The following CNGB3 variants were observed in gnomAD, a reference collection of about 807,000 sequenced individuals.
The protein encoded by CNGB3 is cyclic nucleotide-gated channel beta-3.
A neutral mutation model predicts 92.8 loss-of-function variants in CNGB3; 86 were observed. That is an observed-to-expected ratio of 0.93 (90% confidence interval 0.78 to 1.11). The LOEUF (loss-of-function observed/expected upper bound fraction) is 1.11. Among genes scored for constraint, CNGB3 ranks in the 50% least tolerant of loss-of-function variants. The probability of loss-of-function intolerance (pLI) is 0.00; values close to 1 mark genes in which losing one functional copy is unlikely to be tolerated. For missense variants in CNGB3, 1,026 were observed against 956.8 expected (o/e 1.07, Z -0.95); for synonymous variants, 333 against 332.7 (o/e 1.00, Z -0.01).
intron 2 of CNGB3, among the ~76,000 whole-genome samples, chr8:86,737,288 A>G (rs558012184): frequency 6.6e-6 from 1 of 152,332 alleles, no homozygotes; most frequent in African/African-American, 2.4e-5. Flanking sequence ...TGTAAAAAGT[A>G]TAAATATAAA....
intron 15 of CNGB3, among the ~76,000 whole-genome samples, chr8:86,596,509 AAATG>A (rs1822174492): frequency 1.3e-5 from 2 of 152,346 alleles, no homozygotes; most frequent in African/African-American, 4.8e-5. Flanking sequence ...TTCACGACAA[AAATG>A]AATGTGCATT....
intron 3 of CNGB3, among the ~76,000 whole-genome samples, chr8:86,718,030 T>C (rs1358167942): frequency 6.6e-6 from 1 of 152,052 alleles, no homozygotes; most frequent in Non-Finnish European, 1.5e-5. Flanking sequence ...AAGAGCAACA[T>C]TCATAGCATT....
intron 3 of CNGB3, among the ~76,000 whole-genome samples, chr8:86,722,861 G>A (rs777537196): frequency 5.3e-5 from 8 of 152,124 alleles, no homozygotes; most frequent in Non-Finnish European, 7.4e-5. Context: ...CTGGTTCTCA[G>A]GCTTTCAGAC....
chr8:86,634,976 T>TA (rs397711050), intron 10 of CNGB3, among the ~76,000 whole-genome samples: 2 of 150,996 alleles, frequency 1.3e-5, no homozygotes, highest in East Asian at 3.9e-4. Flanking sequence ...TTTTTTTTTT[T>TA]AACCTAGTTC....
chr8:86,637,732 GT>G (rs1823100433), intron 10 of CNGB3, among the ~76,000 whole-genome samples: 1 of 152,008 alleles, frequency 6.6e-6, no homozygotes, highest in Non-Finnish European at 1.5e-5. Context: ...TTTTCAGAGA[GT>G]TTATTGTTAG....
intron 9 of CNGB3, among the ~76,000 whole-genome samples, chr8:86,644,138 G>GA (rs1247314465): frequency 6.6e-6 from 1 of 151,154 alleles, no homozygotes; most frequent in East Asian, 1.9e-4. Context: ...TCAACTCCGT[G>GA]AAAGACATGC....
At chr8:86,685,126 G>T (rs1016493133) in intron 3 of CNGB3, among the ~76,000 whole-genome samples, 1 of 152,094 alleles carries the variant, frequency 6.6e-6, no homozygotes, top group African/African-American at 2.4e-5. Flanking sequence ...GGGAAACTGG[G>T]TAAAGGGTAT....
At chr8:86,702,334 T>G (rs1367319337) in intron 3 of CNGB3, among the ~76,000 whole-genome samples, 1 of 152,228 alleles carries the variant, frequency 6.6e-6, no homozygotes, top group African/African-American at 2.4e-5. Flanking sequence ...TGTATTGTTC[T>G]ATCATTGGGC....
In CNGB3 at chr8:86,599,791, G is replaced by A. The variant is rs138989470; in HGVS notation, c.1781+4302C>T. Among the ~76,000 whole-genome samples, 367 of 152,240 alleles carry A rather than the reference G, an allele frequency of 2.4e-3. 4 individuals are homozygous for A. The highest frequency in any genetic ancestry group is 0.013 in the South Asian group (65 of 4,822). On this transcript the variant is annotated intron_variant, in intron 15 of 17. Coordinates refer to ENST00000320005, the MANE Select transcript of CNGB3 (RefSeq NM_019098.5). Reference sequence around the variant, plus strand: ...GATAAGATGTTATCAATGACCATGCGTGCCTGAAACTTCATTAGCAATTTT... The same window carrying A: ...GATAAGATGTTATCAATGACCATGCATGCCTGAAACTTCATTAGCAATTTT...
At chr8:86,644,103 CCT>C (rs1331423634) in intron 9 of CNGB3, among the ~76,000 whole-genome samples, 5 of 151,006 alleles carry the variant, frequency 3.3e-5, no homozygotes, top group African/African-American at 1.2e-4. Flanking sequence ...AAGAAAACTT[CCT>C]CTCTTTTCAC....
chr8:86,714,444 A>G (rs1351352874), intron 3 of CNGB3, among the ~76,000 whole-genome samples: 1 of 152,200 alleles, frequency 6.6e-6, no homozygotes, highest in Non-Finnish European at 1.5e-5. Context: ...TGTTCTACAT[A>G]TAGTTTGCCA....
At chr8:86,720,826 A>G (rs1482247301) in intron 3 of CNGB3, among the ~76,000 whole-genome samples, 1 of 124,354 alleles carries the variant, frequency 8.0e-6, no homozygotes, top group Non-Finnish European at 1.6e-5. Context: ...ATATATATAT[A>G]TATATATATG....
chr8:86,644,581 G>C, intron 9 of CNGB3, 41 bp downstream of exon 9: 3 of 1,593,454 alleles, frequency 1.9e-6, no homozygotes, highest in Non-Finnish European at 2.6e-6. Flanking sequence ...TTGTACCATT[G>C]CTTTTTCCCC....
At chr8:86,704,269 T>G (rs1334674183) in intron 3 of CNGB3, 1 of 152,252 alleles carries the variant, frequency 6.6e-6, no homozygotes, top group African/African-American at 2.4e-5. Context: ...TGCATCCAGT[T>G]GTCCTCATGT....
chr8:86,694,318 A>T (rs1421797719), intron 3 of CNGB3, among the ~76,000 whole-genome samples: 12 of 116,506 alleles, frequency 1.0e-4, no homozygotes, highest in Non-Finnish European at 1.8e-4. Flanking sequence ...GGCGCCCCTC[A>T]CCTCCCGGAT....
At chr8:86,685,137 AT>A (rs1824161585) in intron 3 of CNGB3, among the ~76,000 whole-genome samples, 1 of 152,122 alleles carries the variant, frequency 6.6e-6, no homozygotes, top group Admixed American at 6.6e-5. Context: ...TAAAGGGTAT[AT>A]GGGATATTTC....
chr8:86,694,357 C>A (rs1036119602), intron 3 of CNGB3, among the ~76,000 whole-genome samples: 27 of 148,578 alleles, frequency 1.8e-4, no homozygotes, highest in African/African-American at 5.9e-4. Context: ...GGGGGCTGAC[C>A]CCCCCACTTC....
intron 3 of CNGB3, among the ~76,000 whole-genome samples, chr8:86,692,141 C>A (rs903838167): frequency 1.3e-5 from 2 of 152,112 alleles, no homozygotes; most frequent in African/African-American, 4.8e-5. Context: ...GTTTCGTATT[C>A]TGTCATGTGG....
chr8:86,701,869 G>C (rs961102762), intron 3 of CNGB3, among the ~76,000 whole-genome samples: 16 of 152,134 alleles, frequency 1.1e-4, no homozygotes, highest in Middle Eastern at 3.4e-3. Flanking sequence ...AGTTATTATT[G>C]GGGACTTAGA....
Sources: allele counts gnomAD v4.1 joint callset (sites outside exome capture counted in the v4.1 genomes callset), GRCh38; gene constraint gnomAD v4.1.1; transcripts MANE v1.5; gene names NCBI Gene and HGNC (gene_info 2026-07-23, HGNC 2026-07-21).